ACO1: variants seen among roughly 807,000 people sequenced by gnomAD.
ACO1 encodes cytoplasmic aconitate hydratase.
ACO1 carries 78 observed loss-of-function variants against 105.1 expected under a neutral mutation model. That is an observed-to-expected ratio of 0.74 (90% CI 0.62 to 0.90). ACO1 has a LOEUF of 0.90. ACO1 is among the 40% of genes least tolerant of loss of function. ACO1 has a pLI of 0.00. For synonymous variants in ACO1, 364 were observed against 397.4 expected, an observed-to-expected ratio of 0.92 and a Z score of 1.00; for missense variants, 965 against 1,111.1, an observed-to-expected ratio of 0.87 and a Z score of 1.87.
Position 32,434,695 on chromosome 9 carries a change from A to G in ACO1, c.2093A>G (p.Asn698Ser). 1.2e-6 allele frequency: 2 copies of G among 1,614,046 alleles called. No homozygotes were observed. ...AGTCCTGCTGCTCGCTACTTAACTA[A>G]CAGAGGGTAAGTATGAATGAGGCAG... ...RNSPAARYLTNRGLTPREFNS... is the reference protein window; with the variant it reads ...RNSPAARYLTSRGLTPREFNS... Residue 698 changes from asparagine to serine, a missense_variant, in exon 17 of 21, where the codon AAC (asparagine) becomes AGC (serine). By Grantham distance (46) the Asn-to-Ser change is conservative. Coordinates refer to ENST00000309951, the MANE Select transcript of ACO1 (RefSeq NM_002197.3).
At chr9:32,420,132 T>A (rs577500472) in intron 7 of ACO1, among the ~76,000 whole-genome samples, 1 of 152,224 alleles carries the variant, frequency 6.6e-6, no homozygotes, top group Non-Finnish European at 1.5e-5. Flanking sequence ...ATCTGTGTGG[T>A]TGTAGCTAGA....
chr9:32,443,881 T>C (rs889157953), intron 19 of ACO1, among the ~76,000 whole-genome samples: 2 of 152,240 alleles, frequency 1.3e-5, no homozygotes, highest in Non-Finnish European at 2.9e-5. Context: ...ATGTGCAGAA[T>C]GTGCAGGTAT....
chr9:32,399,966 GTTTTTTTTTT>G (rs57615512), intron 1 of ACO1, among the ~76,000 whole-genome samples: 1 of 69,842 alleles, frequency 1.4e-5, no homozygotes, highest in Non-Finnish European at 2.5e-5. Context: ...TTCTTTTTCT[GTTTTTTTTTT>G]TTTTTTTTTT....
intron 16 of ACO1, 46 bp downstream of exon 16, chr9:32,433,878 C>A (rs778906301): frequency 9.0e-6 from 13 of 1,437,270 alleles, no homozygotes; most frequent in Non-Finnish European, 1.2e-5. Flanking sequence ...TGAAGGGTTT[C>A]TTTCCTAATA....
intron 1 of ACO1, among the ~76,000 whole-genome samples, chr9:32,404,326 T>A (rs1394488024): frequency 6.6e-6 from 1 of 152,158 alleles, no homozygotes; most frequent in East Asian, 1.9e-4. Context: ...CAGCTTTTAA[T>A]CCCTCCGCCC....
intron 1 of ACO1, among the ~76,000 whole-genome samples, chr9:32,399,966 G>GTTTTTTGTTTTT (rs1821455017): frequency 1.4e-5 from 1 of 69,842 alleles, no homozygotes; most frequent in Non-Finnish European, 2.5e-5. Flanking sequence ...TTCTTTTTCT[G>GTTTTTTGTTTTT]TTTTTTTTTT....
chr9:32,385,065 G>A (rs13294666), intron 1 of ACO1, among the ~76,000 whole-genome samples: 2 of 152,210 alleles, frequency 1.3e-5, no homozygotes, highest in Non-Finnish European at 2.9e-5. Context: ...CTAACCCCGA[G>A]GGTGTGAGGC....
chr9:32,412,618 T>G (rs1281157484), intron 4 of ACO1, among the ~76,000 whole-genome samples: 1 of 152,204 alleles, frequency 6.6e-6, no homozygotes, highest in Non-Finnish European at 1.5e-5. Context: ...GAACAGACCA[T>G]GTACTCGCCA....
intron 16 of ACO1, 98 bp from the exon 17 acceptor site, chr9:32,434,461 C>G: frequency 7.1e-7 from 1 of 1,411,582 alleles, no homozygotes; most frequent in Non-Finnish European, 9.8e-7. Context: ...GTGGAACTGT[C>G]CTCTGATTCA....
At chr9:32,407,054 T>C (rs1415158145) in intron 2 of ACO1, among the ~76,000 whole-genome samples, 1 of 152,220 alleles carries the variant, frequency 6.6e-6, no homozygotes, top group Non-Finnish European at 1.5e-5. Flanking sequence ...AGTGCTGGGA[T>C]TACAGGCATG....
At chr9:32,398,222 G>C (rs1821412547) in intron 1 of ACO1, among the ~76,000 whole-genome samples, 1 of 152,152 alleles carries the variant, frequency 6.6e-6, no homozygotes, top group African/African-American at 2.4e-5. Flanking sequence ...AACACAAGTA[G>C]CAAATTCATA....
chr9:32,418,281 G>C (rs1226108345), intron 5 of ACO1, 47 bp from the exon 6 acceptor site: 1 of 1,612,770 alleles, frequency 6.2e-7, no homozygotes, highest in African/African-American at 1.3e-5. Context: ...GGGCTGAGTA[G>C]AAGTACTTCA....
intron 4 of ACO1, among the ~76,000 whole-genome samples, chr9:32,412,150 T>G (rs1821753631): frequency 6.6e-6 from 1 of 152,222 alleles, no homozygotes; most frequent in Non-Finnish European, 1.5e-5. Context: ...AATGCTTTAT[T>G]AAATTACGGT....
chr9:32,420,193 G>A (rs76720408), intron 7 of ACO1, among the ~76,000 whole-genome samples: 2 of 104,460 alleles, frequency 1.9e-5, no homozygotes, highest in East Asian at 4.1e-4. Flanking sequence ...ACTCCTGGCT[G>A]GTGCCTTGTG....
At chr9:32,411,070 C>T (rs1001157570) in intron 4 of ACO1, among the ~76,000 whole-genome samples, 6 of 151,942 alleles carry the variant, frequency 3.9e-5, no homozygotes, top group African/African-American at 1.5e-4. Context: ...TAGCTAAGGA[C>T]CAGCACAGCA....
chr9:32,431,974 C>T, intron 15 of ACO1, 131 bp downstream of exon 15: 1 of 1,087,040 alleles, frequency 9.2e-7, no homozygotes, highest in Middle Eastern at 3.2e-4. Context: ...CTTCAGATGA[C>T]TGGGGAGGTG....
Position 32,425,855 on chromosome 9 carries a change from C to A in ACO1, c.1206C>A (p.Phe402Leu). ...TCCTTTAGCAAGGATTTAAAGGATT[C>A]CAAGTTGCTCCTGAACATCATAATG... is the stretch of plus-strand genomic sequence containing the variant. ...CLGAKQGFKG[F>L]QVAPEHHNDH... The change falls in exon 11 of 21, where the codon TTC becomes TTA. Residue 402 changes from phenylalanine to leucine, a missense_variant. Physicochemically the swap from Phe to Leu is conservative, Grantham distance 22. Transcript: ENST00000309951. The A allele has an allele frequency of 6.2e-7, 1 of 1,612,618 alleles. No homozygotes were observed. Among genetic ancestry groups the A allele is most frequent in the East Asian group, 2.2e-5 (1 of 44,856 alleles).
At chr9:32,403,044 G>T (rs143813394) in intron 1 of ACO1, among the ~76,000 whole-genome samples, 8 of 152,320 alleles carry the variant, frequency 5.3e-5, no homozygotes, top group African/African-American at 1.9e-4. Flanking sequence ...TGAGTCTCTT[G>T]TGAGAGGATT....
chr9:32,409,122 C>T (rs186828484), intron 4 of ACO1, among the ~76,000 whole-genome samples: 8 of 152,334 alleles, frequency 5.3e-5, no homozygotes, highest in African/African-American at 1.9e-4. Flanking sequence ...TTGTTTGGGA[C>T]ATCCTCTCCT....
Sources: gnomAD v4.1 joint callset for allele counts (sites outside exome capture counted in the v4.1 genomes callset) on GRCh38, gnomAD v4.1.1 for gene constraint, MANE v1.5 for transcripts, NCBI Gene and HGNC (gene_info 2026-07-23, HGNC 2026-07-21) for gene names.